Variants in RERE observed in about 807,000 individuals in gnomAD.
RERE encodes arginine-glutamic acid dipeptide repeats protein.
A neutral mutation model predicts 146.1 loss-of-function variants in RERE; 40 were observed. The observed-to-expected ratio is 0.27, with a 90% confidence interval of 0.21 to 0.36. The LOEUF is 0.36. Among genes scored for constraint, RERE ranks in the 10% least tolerant of loss-of-function variants. RERE has a pLI of 1.00. For missense variants in RERE, 1,933 were observed against 2,138.7 expected (o/e 0.90, Z 1.90); for synonymous variants, 1,003 against 866.0 (o/e 1.16, Z -2.78).
intron 2 of RERE, among the ~76,000 whole-genome samples, chr1:8,640,852 G>A (rs1164770163): frequency 6.6e-6 from 1 of 152,074 alleles, no homozygotes; most frequent in African/African-American, 2.4e-5. Flanking sequence ...TAATACTAAG[G>A]AAGGAGTAAA....
chr1:8,370,156 C>CA (rs1258597027), intron 12 of RERE, among the ~76,000 whole-genome samples: 3 of 151,996 alleles, frequency 2.0e-5, no homozygotes, highest in Admixed American at 6.6e-5. Context: ...AATGGATAAA[C>CA]AAATAATGGT....
chr1:8,588,940 A>G (rs962499824), intron 4 of RERE, among the ~76,000 whole-genome samples: 7 of 152,288 alleles, frequency 4.6e-5, no homozygotes, highest in Admixed American at 2.0e-4. Flanking sequence ...CCTGGCCAAC[A>G]TGGTGAAACC....
intron 12 of RERE, among the ~76,000 whole-genome samples, chr1:8,397,603 A>C (rs373208054): frequency 2.0e-5 from 3 of 147,128 alleles, no homozygotes; most frequent in Non-Finnish European, 4.5e-5. Context: ...AAAAAAAAAA[A>C]CACATGAAAC....
chr1:8,367,328 G>A (rs1473868319), intron 12 of RERE, among the ~76,000 whole-genome samples: 1 of 152,202 alleles, frequency 6.6e-6, no homozygotes, highest in Non-Finnish European at 1.5e-5. Context: ...CCGCAAGGCA[G>A]GGGATGCCGT....
chr1:8,743,015 C>T (rs533021483), intron 1 of RERE, among the ~76,000 whole-genome samples: 1 of 152,042 alleles, frequency 6.6e-6, no homozygotes, highest in Non-Finnish European at 1.5e-5. Flanking sequence ...GTTTAATCCT[C>T]GAGACATATT....
At chr1:8,794,886 C>T (rs1002608465) in intron 1 of RERE, among the ~76,000 whole-genome samples, 4 of 152,156 alleles carry the variant, frequency 2.6e-5, no homozygotes, top group Non-Finnish European at 5.9e-5. Context: ...CATCATGTCA[C>T]ACTGCAGCCT....
chr1:8,761,184 TA>T (rs1640750518), intron 1 of RERE, among the ~76,000 whole-genome samples: 2 of 152,186 alleles, frequency 1.3e-5, no homozygotes, highest in Admixed American at 1.3e-4. Context: ...CTGAGTTCTT[TA>T]AACAACACCA....
chr1:8,726,089 AAACTC>A (rs1268247808), intron 1 of RERE, among the ~76,000 whole-genome samples: 2 of 151,842 alleles, frequency 1.3e-5, no homozygotes, highest in Non-Finnish European at 2.9e-5. Context: ...TCTGAAAAGC[AAACTC>A]AACTCAATTT....
chr1:8,764,974 C>G (rs1051275507), intron 1 of RERE, among the ~76,000 whole-genome samples: 1 of 152,198 alleles, frequency 6.6e-6, no homozygotes, highest in Non-Finnish European at 1.5e-5. Context: ...TCCATACCCC[C>G]CAAAAATTTC....
chr1:8,708,887 G>GTCAAAAAAAAAAAAAAAA (rs1639608745), intron 1 of RERE, among the ~76,000 whole-genome samples: 1 of 141,684 alleles, frequency 7.1e-6, no homozygotes, highest in Non-Finnish European at 1.5e-5. Context: ...AATGTCACTA[G>GTCAAAAAAAAAAAAAAAA]ACAACAAAAA....
Position 8,364,360 on chromosome 1 carries a change from C to T in RERE, c.1541-105G>A. The T allele has an allele frequency of 2.0e-6, 2 of 984,294 alleles. No individual in the cohort carries two copies. The highest frequency in any genetic ancestry group is 2.4e-5 in the East Asian group (1 of 41,428). The allele number at this position is 984,294 out of a possible 1,614,324, so 61.0% of individuals were successfully genotyped here. On this transcript the variant is annotated intron_variant, in intron 14 of 22. Coordinates refer to ENST00000400908, the MANE Select transcript of RERE (RefSeq NM_001042681.2). The surrounding 1 kb of genome is among the most constrained non-coding windows in gnomAD (Gnocchi z 5.1). The stretch of plus-strand genomic sequence containing the variant: ...TGGGCTCTACCCAAACCTGATGCCA[C>T]CAGCACCATGCAGCCCTGGGCCCCA...
chr1:8,797,800 T>A (rs1641506649), intron 1 of RERE, among the ~76,000 whole-genome samples: 1 of 152,172 alleles, frequency 6.6e-6, no homozygotes, highest in Admixed American at 6.5e-5. Context: ...CTGACTGCAG[T>A]CTCTAGTAAG....
At chr1:8,567,203 T>C (rs1329892871) in intron 4 of RERE, among the ~76,000 whole-genome samples, 1 of 152,156 alleles carries the variant, frequency 6.6e-6, no homozygotes, top group East Asian at 1.9e-4. Flanking sequence ...GGATCAAGGT[T>C]AGAGGCTCAT....
chr1:8,372,928 G>A (rs1358209884), intron 12 of RERE, among the ~76,000 whole-genome samples: 5 of 152,342 alleles, frequency 3.3e-5, no homozygotes, highest in Admixed American at 3.3e-4. Flanking sequence ...AAAAGGAGGG[G>A]GCAGTCGGAG....
At chr1:8,543,849 GT>G (rs750943268) in intron 6 of RERE, among the ~76,000 whole-genome samples, 13 of 152,346 alleles carry the variant, frequency 8.5e-5, no homozygotes, top group South Asian at 4.1e-4. Context: ...TGATTATGAA[GT>G]TGTCGTAAAT....
At position 8,357,515 on chromosome 1, in the gene RERE, C is replaced by T. The variant is rs1156387156; in HGVS notation, c.4339+681G>A. Among the ~76,000 whole-genome samples, 3 of 152,338 alleles carry T rather than the reference C, an allele frequency of 2.0e-5. No homozygotes were observed. In the East Asian group the frequency reaches 5.8e-4, roughly 29 times the overall value. On this transcript the variant is annotated intron_variant, in intron 20 of 22. Transcript: ENST00000400908. ...CCTGCACGTAGGCTGTCCCACAGGA[C>T]CTGTACTCCAAGTCCCATGGAGCAG...
At chr1:8,789,282 C>CAAAAAAAAAAAAAAAAAAAAAAAAAAAAA (rs58993452) in intron 1 of RERE, among the ~76,000 whole-genome samples, 1 of 38,500 alleles carries the variant, frequency 2.6e-5, no homozygotes, top group Non-Finnish European at 4.2e-5. Context: ...TCCTCTCTAC[C>CAAAAAAAAAAAAAAAAAAAAAAAAAAAAA]AAAAAAAAAA....
chr1:8,792,851 T>G (rs1046722063), intron 1 of RERE, among the ~76,000 whole-genome samples: 1 of 151,920 alleles, frequency 6.6e-6, no homozygotes, highest in East Asian at 1.9e-4. Context: ...GAGGATCGGA[T>G]AGCGGAACAT....
intron 12 of RERE, among the ~76,000 whole-genome samples, chr1:8,410,939 G>C (rs1643598105): frequency 6.6e-6 from 1 of 152,138 alleles, no homozygotes; most frequent in Non-Finnish European, 1.5e-5. Flanking sequence ...CTAGCATCAG[G>C]AATAAACTAG....
Sources: allele counts gnomAD v4.1 joint callset (sites outside exome capture counted in the v4.1 genomes callset), GRCh38; gene constraint gnomAD v4.1.1; non-coding constraint Gnocchi (gnomAD v3.1); transcripts MANE v1.5; gene names NCBI Gene and HGNC (gene_info 2026-07-23, HGNC 2026-07-21).